MAP7: variants seen among roughly 807,000 people sequenced by gnomAD.
MAP7 encodes microtubule associated protein 7.
In MAP7, 52 loss-of-function variants were observed where a neutral mutation model predicts 94.8. That is an observed-to-expected ratio of 0.55 (90% CI 0.44 to 0.69). The LOEUF (loss-of-function observed/expected upper bound fraction) is 0.69. Ranked by LOEUF, MAP7 falls within the 30% of genes least tolerant of loss-of-function variation. The pLI, the probability that MAP7 is intolerant of heterozygous loss-of-function variation, is 0.00. For synonymous variants in MAP7, 350 were observed against 357.0 expected, an observed-to-expected ratio of 0.98 and a Z score of 0.22; for missense variants, 940 against 964.6, an observed-to-expected ratio of 0.97 and a Z score of 0.34.
intron 1 of MAP7, among the ~76,000 whole-genome samples, chr6:136,497,247 A>G (rs1004752178): frequency 6.6e-6 from 1 of 152,066 alleles, no homozygotes; most frequent in East Asian, 1.9e-4. Context: ...GTTCCTAAAT[A>G]AGATGGCTAC....
chr6:136,456,767 G>GGAGGAGGACGAAGAAGAA (rs1179338276), intron 1 of MAP7, among the ~76,000 whole-genome samples: 2 of 60,520 alleles, frequency 3.3e-5, no homozygotes, highest in African/African-American at 1.5e-4. Context: ...AGGAGGAGGA[G>GGAGGAGGACGAAGAAGAA]GAAGAAGAAG....
At chr6:136,534,439 T>G (rs891210985) in intron 1 of MAP7, among the ~76,000 whole-genome samples, 1 of 152,236 alleles carries the variant, frequency 6.6e-6, no homozygotes, top group Non-Finnish European at 1.5e-5. Flanking sequence ...AGTTACAAAA[T>G]ACCTTCCCAG....
chr6:136,505,271 G>GTATATATA (rs1175915341), intron 1 of MAP7, among the ~76,000 whole-genome samples: 85 of 95,398 alleles, frequency 8.9e-4, no homozygotes, highest in East Asian at 1.4e-3. Context: ...GTGTGTGTGT[G>GTATATATA]TGTGTGTATA....
chr6:136,519,327 G>A (rs182832355), intron 1 of MAP7, among the ~76,000 whole-genome samples: 2 of 152,052 alleles, frequency 1.3e-5, no homozygotes, highest in Non-Finnish European at 2.9e-5. Flanking sequence ...TGCCTCCCTA[G>A]CTGTTAAATT....
chr6:136,371,026 C>T (rs930250851), intron 8 of MAP7, among the ~76,000 whole-genome samples: 1 of 151,976 alleles, frequency 6.6e-6, no homozygotes. Context: ...CACAGTGCAG[C>T]TCCAGGGTAT....
At chr6:136,391,818 G>A (rs1414014251) in intron 3 of MAP7, among the ~76,000 whole-genome samples, 1 of 152,122 alleles carries the variant, frequency 6.6e-6, no homozygotes, top group Non-Finnish European at 1.5e-5. Context: ...CTTTGCTCAC[G>A]CACACTCGTG....
chr6:136,409,562 CCTGTT>C (rs1481055393), intron 3 of MAP7, among the ~76,000 whole-genome samples: 1 of 152,208 alleles, frequency 6.6e-6, no homozygotes, highest in Non-Finnish European at 1.5e-5. Context: ...CTTTTTTCCA[CCTGTT>C]CTTGCACATT....
At chr6:136,476,570 A>C (rs1810990287) in intron 1 of MAP7, among the ~76,000 whole-genome samples, 1 of 152,212 alleles carries the variant, frequency 6.6e-6, no homozygotes, top group Admixed American at 6.5e-5. Context: ...TTAACATAGA[A>C]AAAGTTGGAA....
intron 1 of MAP7, among the ~76,000 whole-genome samples, chr6:136,490,832 C>T (rs894546277): frequency 3.3e-5 from 5 of 152,176 alleles, no homozygotes; most frequent in Admixed American, 6.5e-5. Context: ...GCCTGAGTCC[C>T]GCTCTCTCAC....
chr6:136,514,035 C>T (rs988671113), intron 1 of MAP7, among the ~76,000 whole-genome samples: 30 of 152,068 alleles, frequency 2.0e-4, no homozygotes, highest in African/African-American at 5.6e-4. Context: ...GTGCCATCCC[C>T]GCTGGAGTCA....
In MAP7 at chr6:136,456,870, A is replaced by G. The variant is rs13204700; in HGVS notation, c.68-35071T>C. 3.3e-4 allele frequency among the ~76,000 whole-genome samples: 47 copies of G among 140,958 alleles called. 1 individual carries two copies. Among genetic ancestry groups the G allele is most frequent in the Middle Eastern group, 3.9e-3 (1 of 256 alleles). The allele number at this position is 140,958 out of a possible 152,430, so 92.5% of individuals were successfully genotyped here. On this transcript the variant is annotated intron_variant, in intron 1 of 17. Coordinates refer to ENST00000354570, the MANE Select transcript of MAP7 (RefSeq NM_003980.6). ...AAGAGGAAGAAGAAGAAGAAGAAGA[A>G]GAAATACTTCAAATAAAAACAAAAC...
intron 1 of MAP7, chr6:136,526,579 T>TTCTGGG (rs905647407): frequency 2.1e-5 from 21 of 985,406 alleles, no homozygotes; most frequent in Middle Eastern, 5.2e-4. Flanking sequence ...GGATGCTGGG[T>TTCTGGG]TCTGGGAACT....
At chr6:136,426,732 G>A (rs1341247922) in intron 1 of MAP7, among the ~76,000 whole-genome samples, 1 of 152,224 alleles carries the variant, frequency 6.6e-6, no homozygotes, top group Non-Finnish European at 1.5e-5. Flanking sequence ...TAGGAAGGGA[G>A]GCAGTTGAAA....
At chr6:136,465,342 T>C (rs1343828611) in intron 1 of MAP7, among the ~76,000 whole-genome samples, 2 of 152,252 alleles carry the variant, frequency 1.3e-5, no homozygotes, top group African/African-American at 4.8e-5. Context: ...CCAGTTTTCT[T>C]ACTGAGTAAC....
chr6:136,534,879 A>G (rs1828755084), intron 1 of MAP7, among the ~76,000 whole-genome samples: 1 of 152,196 alleles, frequency 6.6e-6, no homozygotes, highest in Non-Finnish European at 1.5e-5. Context: ...ATCCTTCTCT[A>G]TTATAATGAA....
intron 6 of MAP7, among the ~76,000 whole-genome samples, chr6:136,380,911 A>G (rs963258531): frequency 3.3e-5 from 5 of 152,228 alleles, no homozygotes; most frequent in Non-Finnish European, 7.3e-5. Flanking sequence ...AATAACTAGT[A>G]GAGCTCTTTG....
intron 2 of MAP7, chr6:136,420,071 T>G: frequency 1.2e-6 from 1 of 839,184 alleles, no homozygotes. Flanking sequence ...TTAATTACAA[T>G]GGAGGGGTCA....
Position 136,365,846 on chromosome 6 carries a change from C to A in MAP7, c.1162G>T (p.Glu388Ter). 1 of 1,614,148 alleles carries A rather than the reference C, an allele frequency of 6.2e-7. No homozygotes were observed. The highest frequency in any genetic ancestry group is 8.5e-7 in the Non-Finnish European group (1 of 1,180,020). The change falls in exon 10 of 18, where the codon GAA (glutamate) becomes TAA (stop). Residue 388 changes from glutamate to a stop codon, truncating the protein, a stop_gained. Coordinates refer to ENST00000354570, the MANE Select transcript of MAP7 (RefSeq NM_003980.6). LOFTEE classifies it high-confidence loss of function. The stretch of plus-strand genomic sequence containing the variant: ...GGCTCATTGGCAACTTTCTGAGGTT[C>A]CTTCTCAGGATCTTTCTTCTCAGGC... ...VEPEKKDPEK[E>*]PQKVANEPSL...
At chr6:136,462,783 G>C (rs1805664834) in intron 1 of MAP7, among the ~76,000 whole-genome samples, 1 of 151,884 alleles carries the variant, frequency 6.6e-6, no homozygotes, top group African/African-American at 2.4e-5. Flanking sequence ...ACAACATGGT[G>C]AAACCCTGTT....
Sources: allele counts gnomAD v4.1 joint callset (sites outside exome capture counted in the v4.1 genomes callset), GRCh38; gene constraint gnomAD v4.1.1; transcripts MANE v1.5; gene names NCBI Gene and HGNC (gene_info 2026-07-23, HGNC 2026-07-21).